The following FBXL20 variants were observed in gnomAD, a reference collection of about 807,000 sequenced individuals.
The protein encoded by FBXL20 is F-box and leucine rich repeat protein 20.
A neutral mutation model predicts 64.0 loss-of-function variants in FBXL20; 11 were observed. That is an observed-to-expected ratio of 0.17 (90% confidence interval 0.11 to 0.28). The LOEUF (loss-of-function observed/expected upper bound fraction) is 0.28, where lower values mean the gene tolerates loss of function less well. Among genes scored for constraint, FBXL20 ranks in the 10% least tolerant of loss-of-function variants. The pLI, the probability that FBXL20 is intolerant of heterozygous loss-of-function variation, is 1.00. For missense variants in FBXL20, 303 were observed against 526.2 expected (o/e 0.58, Z 4.15); for synonymous variants, 184 against 189.0 (o/e 0.97, Z 0.22).
At position 39,281,477 on chromosome 17, in the gene FBXL20, AAAGT is replaced by A. The variant is rs1309619983; in HGVS notation, c.622-18_622-15del. 3 of 1,602,238 alleles carry A rather than the reference AAAGT, an allele frequency of 1.9e-6. No homozygotes were observed. In the African/African-American group the frequency reaches 4.0e-5, roughly 21 times the overall value. ...TTCATCTTCTAGCTAGAAAGATTAA[AAAGT>A]AAGAAAAAAATGATTATTGACATTG... On this transcript the variant is annotated splice_polypyrimidine_tract_variant and intron_variant, in intron 8 of 14. Transcript: ENST00000264658.
intron 5 of FBXL20, among the ~76,000 whole-genome samples, chr17:39,297,781 G>C (rs2047099530): frequency 6.6e-6 from 1 of 152,126 alleles, no homozygotes; most frequent in African/African-American, 2.4e-5. Context: ...TGTCACCCAG[G>C]CTGGAGTATA....
rs143104131 is a variant in FBXL20, at chr17:39,385,245, GCA to G, written c.42+16114_42+16115del. 1.1e-3 allele frequency among the ~76,000 whole-genome samples: 161 copies of G among 150,076 alleles called. 3 individuals are homozygous for G. The East Asian group carries it at 0.024, about 22-fold the overall frequency. On this transcript the variant is annotated intron_variant, in intron 1 of 14. Coordinates refer to ENST00000264658, the MANE Select transcript of FBXL20 (RefSeq NM_032875.3). The stretch of plus-strand genomic sequence containing the variant: ...TCTAGAAACACACACGCGCGTGCGT[GCA>G]CACACACACACACAAGCTATGATGG...
chr17:39,379,236 AATAAC>A (rs1469547120), intron 1 of FBXL20, among the ~76,000 whole-genome samples: 1 of 151,130 alleles, frequency 6.6e-6, no homozygotes, highest in Non-Finnish European at 1.5e-5. Flanking sequence ...AATAAAATAA[AATAAC>A]ATAATAATAA....
chr17:39,369,517 A>G (rs572696681), intron 1 of FBXL20, among the ~76,000 whole-genome samples: 1 of 151,868 alleles, frequency 6.6e-6, no homozygotes, highest in East Asian at 1.9e-4. Flanking sequence ...ATACCCAGCT[A>G]ATTTTTAGTA....
chr17:39,388,784 A>T (rs1175466427), intron 1 of FBXL20, among the ~76,000 whole-genome samples: 1 of 149,048 alleles, frequency 6.7e-6, no homozygotes, highest in Non-Finnish European at 1.5e-5. Context: ...GCCCGGCAAA[A>T]GCTGCATTTT....
At chr17:39,322,179 A>T in intron 2 of FBXL20, among the ~76,000 whole-genome samples, 1 of 150,414 alleles carries the variant, frequency 6.6e-6, no homozygotes, top group East Asian at 1.9e-4. Flanking sequence ...AAAAAAAAAA[A>T]AAAAAAAAAA....
At chr17:39,290,993 GCT>G (rs1330180479) in intron 6 of FBXL20, among the ~76,000 whole-genome samples, 1 of 146,968 alleles carries the variant, frequency 6.8e-6, no homozygotes, top group Non-Finnish European at 1.5e-5. Flanking sequence ...ACAGAGTGTC[GCT>G]CTGTCGCCCA....
intron 10 of FBXL20, 100 bp downstream of exon 10, chr17:39,274,870 C>T (rs2046875928): frequency 1.3e-6 from 2 of 1,487,686 alleles, no homozygotes; most frequent in Non-Finnish European, 1.8e-6. Context: ...TTCAAAGCGT[C>T]TGCAGTGCCT....
intron 1 of FBXL20, among the ~76,000 whole-genome samples, chr17:39,358,552 G>A (rs1455453368): frequency 2.0e-5 from 3 of 152,052 alleles, no homozygotes; most frequent in Non-Finnish European, 4.4e-5. Context: ...GCGTGGTGGC[G>A]TACGCCTGTA....
intron 2 of FBXL20, among the ~76,000 whole-genome samples, chr17:39,342,283 AGGCCGGGTACAGT>A (rs2047590045): frequency 6.6e-6 from 1 of 152,038 alleles, no homozygotes; most frequent in Admixed American, 6.6e-5. Context: ...GAGCTACTGT[AGGCCGGGTACAGT>A]GGCTCAAGTC....
chr17:39,320,164 A>AT (rs1433600162), intron 2 of FBXL20, among the ~76,000 whole-genome samples: 1 of 152,154 alleles, frequency 6.6e-6, no homozygotes. Flanking sequence ...TATGCAAATA[A>AT]TTTTTTATCA....
At chr17:39,313,791 A>G (rs1288014703) in intron 2 of FBXL20, among the ~76,000 whole-genome samples, 4 of 151,970 alleles carry the variant, frequency 2.6e-5, no homozygotes, top group African/African-American at 9.7e-5. Flanking sequence ...ATGCGCCACC[A>G]TACCCAGCTA....
At chr17:39,358,182 A>G (rs192335888) in intron 1 of FBXL20, among the ~76,000 whole-genome samples, 19 of 152,294 alleles carry the variant, frequency 1.2e-4, no homozygotes, top group African/African-American at 4.6e-4. Flanking sequence ...GTCTCAGCTC[A>G]AGGAGAGGCA....
At chr17:39,335,493 G>T (rs1487486076) in intron 2 of FBXL20, among the ~76,000 whole-genome samples, 2 of 147,612 alleles carry the variant, frequency 1.4e-5, no homozygotes, top group Non-Finnish European at 3.0e-5. Flanking sequence ...TGAGGCAGGG[G>T]AATAGTTTGA....
At chr17:39,299,762 G>A (rs758206003) in intron 4 of FBXL20, among the ~76,000 whole-genome samples, 33 of 151,492 alleles carry the variant, frequency 2.2e-4, no homozygotes, top group African/African-American at 7.8e-4. Context: ...CAGCCTGGGC[G>A]ACAAAGCGAG....
At chr17:39,396,736 G>A (rs34597616) in intron 1 of FBXL20, among the ~76,000 whole-genome samples, 56,256 of 151,650 alleles carry the variant, frequency 0.37, 13,141 homozygotes, top group African/African-American at 0.66. Flanking sequence ...TGGGCGGATC[G>A]CGAGGTTAGG....
At chr17:39,279,360 G>C (rs1466015247) in intron 9 of FBXL20, among the ~76,000 whole-genome samples, 1 of 151,758 alleles carries the variant, frequency 6.6e-6, no homozygotes, top group African/African-American at 2.4e-5. Flanking sequence ...TTAGCCAGGT[G>C]TGGTGGCACA....
intron 1 of FBXL20, among the ~76,000 whole-genome samples, chr17:39,355,581 C>A (rs1056049754): frequency 2.0e-5 from 3 of 151,216 alleles, no homozygotes; most frequent in Admixed American, 1.3e-4. Context: ...CTGGGCCGGG[C>A]GCGGTGGCTC....
intron 3 of FBXL20, among the ~76,000 whole-genome samples, chr17:39,302,619 C>T (rs801417): frequency 0.13 from 19,668 of 152,188 alleles, 1,709 homozygotes; most frequent in East Asian, 0.24. Context: ...ATGATCTGCC[C>T]GCCTGGGCCT....
Sources: gnomAD v4.1 joint callset for allele counts (sites outside exome capture counted in the v4.1 genomes callset) on GRCh38, gnomAD v4.1.1 for gene constraint, MANE v1.5 for transcripts, NCBI Gene and HGNC (gene_info 2026-07-23, HGNC 2026-07-21) for gene names.